RBMS3: variants seen among roughly 807,000 people sequenced by gnomAD.
RBMS3 encodes the protein RNA binding motif single stranded interacting protein 3.
Under a neutral mutation model 66.8 loss-of-function variants are expected in RBMS3, and 27 were observed. That is an observed-to-expected ratio of 0.40 (90% CI 0.30 to 0.56). RBMS3 has a LOEUF of 0.56. Ranked by LOEUF, RBMS3 falls within the 20% of genes least tolerant of loss-of-function variation. The pLI is 0.40. For synonymous variants in RBMS3, 188 were observed against 183.0 expected (o/e 1.03, Z -0.22); for missense variants, 513 against 549.5 (o/e 0.93, Z 0.66).
rs917651951 is a variant in RBMS3, at chr3:29,466,007, A to G, written c.249-22434A>G. 2.6e-5 allele frequency among the ~76,000 whole-genome samples: 4 copies of G among 151,722 alleles called. No individual in the cohort carries two copies. The East Asian group carries it at 7.8e-4, about 30-fold the overall frequency. On this transcript the variant is annotated intron_variant, in intron 2 of 14. Transcript: ENST00000383767. The stretch of plus-strand genomic sequence containing the variant: ...GGCTCACGATTTTTGGATATGATTC[A>G]GTGATCAGCATGACTCCACTGCAGG...
At chr3:29,349,625 A>T (rs1193903052) in intron 1 of RBMS3, among the ~76,000 whole-genome samples, 1 of 152,106 alleles carries the variant, frequency 6.6e-6, no homozygotes, top group Non-Finnish European at 1.5e-5. Flanking sequence ...CTAATTTTTA[A>T]TCCTCAATGT....
intron 3 of RBMS3, among the ~76,000 whole-genome samples, chr3:29,499,596 T>C (rs1247150094): frequency 6.6e-6 from 1 of 152,190 alleles, no homozygotes; most frequent in Non-Finnish European, 1.5e-5. Flanking sequence ...TACAAAGTTT[T>C]CATTTAATTT....
intron 1 of RBMS3, among the ~76,000 whole-genome samples, chr3:29,282,036 G>A (rs1486546415): frequency 6.6e-6 from 1 of 152,156 alleles, no homozygotes; most frequent in Non-Finnish European, 1.5e-5. Flanking sequence ...CCTGATATCA[G>A]GAACGTCTTT....
chr3:29,938,768 T>C (rs899895847), intron 11 of RBMS3, among the ~76,000 whole-genome samples: 4 of 152,090 alleles, frequency 2.6e-5, no homozygotes, highest in African/African-American at 9.6e-5. Context: ...GAAAGATCAG[T>C]TGGCTTTGTT....
chr3:29,494,185 G>T (rs1441383691), intron 3 of RBMS3, among the ~76,000 whole-genome samples: 1 of 152,070 alleles, frequency 6.6e-6, no homozygotes, highest in Non-Finnish European at 1.5e-5. Context: ...AAAAAGAAAA[G>T]GTATAAAAAT....
chr3:29,767,118 G>A (rs1424417567), intron 6 of RBMS3: 1 of 151,882 alleles, frequency 6.6e-6, no homozygotes, highest in Non-Finnish European at 1.5e-5. Context: ...AAAAGCAAAG[G>A]GTTAGTTCCC....
chr3:29,545,928 TC>T (rs1321680353), intron 3 of RBMS3, among the ~76,000 whole-genome samples: 4 of 152,208 alleles, frequency 2.6e-5, no homozygotes, highest in African/African-American at 9.6e-5. Context: ...TATTATGAAA[TC>T]TTTTTATGAA....
chr3:29,409,588 T>C (rs2040180698), intron 1 of RBMS3, among the ~76,000 whole-genome samples: 1 of 152,228 alleles, frequency 6.6e-6, no homozygotes, highest in African/African-American at 2.4e-5. Flanking sequence ...AACTACTTAG[T>C]TATTCTCTTG....
intron 7 of RBMS3, chr3:29,880,902 C>A (rs1348997889): frequency 2.9e-6 from 4 of 1,357,342 alleles, no homozygotes; most frequent in African/African-American, 2.9e-5. Context: ...CCCAAGGTAC[C>A]TACTCTAGTT....
intron 6 of RBMS3, among the ~76,000 whole-genome samples, chr3:29,815,112 A>G (rs1402710100): frequency 2.6e-5 from 4 of 152,250 alleles, no homozygotes; most frequent in Non-Finnish European, 5.9e-5. Flanking sequence ...TCTCCCTAAC[A>G]CACTCTGAAG....
chr3:29,654,929 C>T (rs2050274734), intron 4 of RBMS3, among the ~76,000 whole-genome samples: 1 of 152,004 alleles, frequency 6.6e-6, no homozygotes, highest in Non-Finnish European at 1.5e-5. Context: ...AAAGGCAGTA[C>T]TAGCCAAAGA....
At chr3:29,740,843 C>A (rs1576666399) in intron 5 of RBMS3, among the ~76,000 whole-genome samples, 1 of 151,964 alleles carries the variant, frequency 6.6e-6, no homozygotes, top group East Asian at 1.9e-4. Flanking sequence ...AGTTCGAGAC[C>A]AGCCTGGCCA....
chr3:29,512,725 T>A (rs1434115693), intron 3 of RBMS3, among the ~76,000 whole-genome samples: 2 of 152,156 alleles, frequency 1.3e-5, no homozygotes, highest in Admixed American at 6.6e-5. Context: ...TCCTTGTAGA[T>A]CAATCTGGGA....
At chr3:29,286,439 C>A (rs530344398) in intron 1 of RBMS3, among the ~76,000 whole-genome samples, 4 of 151,752 alleles carry the variant, frequency 2.6e-5, no homozygotes, top group Non-Finnish European at 5.9e-5. Context: ...GGAGTAGAAA[C>A]GTAAAAAGTT....
chr3:29,477,438 G>A (rs763749057), intron 2 of RBMS3, among the ~76,000 whole-genome samples: 4 of 141,908 alleles, frequency 2.8e-5, no homozygotes, highest in Non-Finnish European at 4.5e-5. Flanking sequence ...ATCCCTGTGT[G>A]TAGGGTCAGG....
chr3:29,616,555 C>G (rs1388343394), intron 4 of RBMS3: 2 of 152,596 alleles, frequency 1.3e-5, no homozygotes, highest in African/African-American at 4.8e-5. Context: ...AGACCACCAC[C>G]AGTCAATATA....
At chr3:29,553,412 T>C (rs966432770) in intron 3 of RBMS3, among the ~76,000 whole-genome samples, 2 of 152,080 alleles carry the variant, frequency 1.3e-5, no homozygotes, top group Non-Finnish European at 2.9e-5. Context: ...CTTGATCTGA[T>C]GGGTTGGAAT....
At chr3:29,838,841 C>T (rs1463278476) in intron 6 of RBMS3, among the ~76,000 whole-genome samples, 1 of 152,118 alleles carries the variant, frequency 6.6e-6, no homozygotes, top group Non-Finnish European at 1.5e-5. Flanking sequence ...GTATGACAAT[C>T]TGGAAAACAG....
At chr3:29,937,945 T>G (rs1559819048) in intron 11 of RBMS3, among the ~76,000 whole-genome samples, 1 of 151,932 alleles carries the variant, frequency 6.6e-6, no homozygotes, top group African/African-American at 2.4e-5. Flanking sequence ...GAATAAGTGA[T>G]GTAATGTAAT....
Sources: allele counts gnomAD v4.1 joint callset (sites outside exome capture counted in the v4.1 genomes callset), GRCh38; gene constraint gnomAD v4.1.1; transcripts MANE v1.5; gene names NCBI Gene and HGNC (gene_info 2026-07-23, HGNC 2026-07-21).